Variants in GALNT7 observed in about 807,000 individuals in gnomAD.
GALNT7 encodes N-acetylgalactosaminyltransferase 7.
Under a neutral mutation model 82.1 loss-of-function variants are expected in GALNT7, and 60 were observed. The ratio of observed to expected loss-of-function variants is 0.73; its 90% confidence interval spans 0.59 to 0.91. GALNT7 has a LOEUF of 0.91. GALNT7 is among the 40% of genes least tolerant of loss of function. The probability of loss-of-function intolerance (pLI) is 0.00; values close to 1 mark genes in which losing one functional copy is unlikely to be tolerated. For missense variants in GALNT7, 660 were observed against 804.2 expected, an observed-to-expected ratio of 0.82 and a Z score of 2.17; for synonymous variants, 243 against 275.1, an observed-to-expected ratio of 0.88 and a Z score of 1.15.
intron 1 of GALNT7, among the ~76,000 whole-genome samples, chr4:173,221,556 G>A (rs1733644671): frequency 6.6e-6 from 1 of 152,120 alleles, no homozygotes; most frequent in African/African-American, 2.4e-5. Context: ...TTGAAATTAT[G>A]GAACAACCGA....
intron 2 of GALNT7, among the ~76,000 whole-genome samples, chr4:173,259,324 C>A (rs1409829061): frequency 6.6e-6 from 1 of 152,066 alleles, no homozygotes; most frequent in East Asian, 1.9e-4. Context: ...GGGTTACATG[C>A]AGGTTCACAG....
chr4:173,291,574 C>T (rs988708057), intron 2 of GALNT7, among the ~76,000 whole-genome samples: 1 of 152,188 alleles, frequency 6.6e-6, no homozygotes, highest in African/African-American at 2.4e-5. Flanking sequence ...AAGCTCTAAA[C>T]AATATTATCA....
intron 2 of GALNT7, among the ~76,000 whole-genome samples, chr4:173,260,291 A>G (rs1735213690): frequency 6.6e-6 from 1 of 152,212 alleles, no homozygotes; most frequent in Non-Finnish European, 1.5e-5. Context: ...AGTTAGTTCT[A>G]TTTGGAAGTC....
chr4:173,256,037 G>A (rs987459842), intron 2 of GALNT7, among the ~76,000 whole-genome samples: 1 of 152,166 alleles, frequency 6.6e-6, no homozygotes, highest in Non-Finnish European at 1.5e-5. Context: ...GCATATTAAT[G>A]TTTGGAAGTG....
At chr4:173,306,584 G>A (rs935809184) in intron 8 of GALNT7, among the ~76,000 whole-genome samples, 2 of 152,140 alleles carry the variant, frequency 1.3e-5, no homozygotes, top group African/African-American at 4.8e-5. Flanking sequence ...TTTGTCAAAT[G>A]CCTTTTTCAC....
chr4:173,194,013 A>G (rs1439816592), intron 1 of GALNT7, among the ~76,000 whole-genome samples: 1 of 152,218 alleles, frequency 6.6e-6, no homozygotes, highest in East Asian at 1.9e-4. Flanking sequence ...AGTGAAAGCA[A>G]TTAGACTTTA....
intron 1 of GALNT7, among the ~76,000 whole-genome samples, chr4:173,182,738 T>TACAC (rs35300617): frequency 0.097 from 11,234 of 115,658 alleles, 657 homozygotes; most frequent in Middle Eastern, 0.17. Flanking sequence ...TTACTCTTAA[T>TACAC]ACACACACAC....
At chr4:173,184,936 C>G (rs1732420947) in intron 1 of GALNT7, among the ~76,000 whole-genome samples, 1 of 152,200 alleles carries the variant, frequency 6.6e-6, no homozygotes, top group African/African-American at 2.4e-5. Context: ...AGAACATATA[C>G]AGTGCCTTCT....
At position 173,285,763 on chromosome 4, in the gene GALNT7, G is replaced by A. The variant is rs6839231; in HGVS notation, c.588-6345G>A. Among the ~76,000 whole-genome samples the A allele has an allele frequency of 9.7e-3, 1,474 of 152,270 alleles. 23 individuals are homozygous for A. Among genetic ancestry groups the A allele is most frequent in the African/African-American group, 0.032 (1,332 of 41,542 alleles). On this transcript the variant is annotated intron_variant, in intron 2 of 11. Coordinates refer to ENST00000265000, the MANE Select transcript of GALNT7 (RefSeq NM_017423.3). ...CAGGGTGGAGCCCTTTTACGAACAG[G>A]GGTATGAATATAGTTTTCAGGGCTT... is the stretch of plus-strand genomic sequence containing the variant.
chr4:173,171,459 ACCTGTGGCTCCATTCAC>A (rs942927563), intron 1 of GALNT7, among the ~76,000 whole-genome samples: 2 of 152,184 alleles, frequency 1.3e-5, no homozygotes, highest in Non-Finnish European at 2.9e-5. Context: ...GCAAGCTTGT[ACCTGTGGCTCCATTCAC>A]CCTGTGCCAC....
At chr4:173,211,352 T>C (rs1733279614) in intron 1 of GALNT7, among the ~76,000 whole-genome samples, 1 of 152,210 alleles carries the variant, frequency 6.6e-6, no homozygotes, top group Admixed American at 6.5e-5. Flanking sequence ...ATAGGTGATA[T>C]TGACAAGTAC....
At chr4:173,318,840 C>T (rs1015269564) in intron 11 of GALNT7, among the ~76,000 whole-genome samples, 2 of 152,028 alleles carry the variant, frequency 1.3e-5, no homozygotes, top group African/African-American at 2.4e-5. Flanking sequence ...AGTCAGTGTT[C>T]TGTGAGGCAG....
chr4:173,226,643 C>A (rs923275252), intron 1 of GALNT7, among the ~76,000 whole-genome samples: 4 of 152,192 alleles, frequency 2.6e-5, no homozygotes, highest in Admixed American at 2.0e-4. Context: ...ACTGTCCCAA[C>A]TGTCTGTCTT....
intron 1 of GALNT7, among the ~76,000 whole-genome samples, chr4:173,224,048 G>T: frequency 6.6e-6 from 1 of 151,852 alleles, no homozygotes; most frequent in East Asian, 1.9e-4. Flanking sequence ...ATGGTAGTTT[G>T]GTACTATGTG....
intron 6 of GALNT7, among the ~76,000 whole-genome samples, chr4:173,301,327 A>T (rs923969952): frequency 6.6e-6 from 1 of 152,082 alleles, no homozygotes; most frequent in African/African-American, 2.4e-5. Context: ...AGCAAGATAA[A>T]TTCTGCTGTA....
At chr4:173,256,537 C>T (rs1735044088) in intron 2 of GALNT7, among the ~76,000 whole-genome samples, 1 of 151,316 alleles carries the variant, frequency 6.6e-6, no homozygotes, top group South Asian at 2.1e-4. Context: ...CTATTGCCCT[C>T]CCTCTCTCCC....
chr4:173,232,518 G>A (rs903228927), intron 1 of GALNT7, among the ~76,000 whole-genome samples: 3 of 151,434 alleles, frequency 2.0e-5, no homozygotes, highest in Admixed American at 1.3e-4. Context: ...CTGCAGCCTC[G>A]AACTCCTGGC....
At chr4:173,312,925 G>T (rs891138955) in intron 8 of GALNT7, among the ~76,000 whole-genome samples, 14 of 152,246 alleles carry the variant, frequency 9.2e-5, no homozygotes, top group Middle Eastern at 6.8e-3. Flanking sequence ...CAGGTGTGGT[G>T]GCGGGCACCT....
chr4:173,286,277 G>A (rs1259623625), intron 2 of GALNT7, among the ~76,000 whole-genome samples: 1 of 152,196 alleles, frequency 6.6e-6, no homozygotes, highest in Non-Finnish European at 1.5e-5. Context: ...AAATGGCTCG[G>A]CTCTAGCAAG....
Sources: gnomAD v4.1 joint callset for allele counts (sites outside exome capture counted in the v4.1 genomes callset) on GRCh38, gnomAD v4.1.1 for gene constraint, MANE v1.5 for transcripts, NCBI Gene and HGNC (gene_info 2026-07-23, HGNC 2026-07-21) for gene names.